The following FREM1 variants were observed in gnomAD, a reference collection of about 807,000 sequenced individuals.
FREM1 encodes the protein FRAS1-related extracellular matrix protein 1.
Under a neutral mutation model 210.1 loss-of-function variants are expected in FREM1, and 220 were observed. The ratio of observed to expected loss-of-function variants is 1.05; its 90% CI spans 0.94 to 1.17. FREM1 has a LOEUF of 1.17. Ranked by LOEUF, FREM1 falls within the 50% of genes most tolerant of loss-of-function variation. The pLI, the probability that FREM1 is intolerant of heterozygous loss-of-function variation, is 0.00. For synonymous variants in FREM1, 1,189 were observed against 980.2 expected, an observed-to-expected ratio of 1.21 and a Z score of -3.98; for missense variants, 3,454 against 2,675.5, an observed-to-expected ratio of 1.29 and a Z score of -6.42.
chr9:14,857,401 C>A, intron 5 of FREM1, 152 bp downstream of exon 5: 1 of 753,234 alleles, frequency 1.3e-6, no homozygotes, highest in Non-Finnish European at 2.4e-6. Context: ...CTAGCAGAAC[C>A]AACAAGCCTG....
intron 14 of FREM1, 25 bp downstream of exon 14, chr9:14,819,209 T>TA (rs774877593): frequency 6.5e-6 from 10 of 1,528,994 alleles, no homozygotes; most frequent in African/African-American, 1.4e-5. Flanking sequence ...AGCATGTAAA[T>TA]AAAAAAACCA....
chr9:14,854,995 A>C (rs760269253), intron 5 of FREM1, among the ~76,000 whole-genome samples: 12 of 152,080 alleles, frequency 7.9e-5, no homozygotes, highest in Non-Finnish European at 1.6e-4. Flanking sequence ...TTTTCCCCAA[A>C]TAATTTATAG....
intron 1 of FREM1, among the ~76,000 whole-genome samples, chr9:14,904,181 T>C (rs1339780018): frequency 3.3e-5 from 5 of 149,772 alleles, no homozygotes. Flanking sequence ...GACTAGTGAC[T>C]AGTTTCCTCC....
In FREM1 at chr9:14,804,997, T is replaced by C; in HGVS notation, c.3430A>G (p.Thr1144Ala). Reference protein sequence around the residue: ...EIPFSIIINPTNDEAPDFVVQ... With the variant: ...EIPFSIIINPANDEAPDFVVQ... ...ACAAAGTCAGGAGCTTCATCATTTG[T>C]GGGGTTGATTATAATAGAAAATGGT... Residue 1144 changes from threonine (T) to alanine (A), a missense_variant, in exon 19 of 37, where the codon ACA becomes GCA. Coordinates refer to ENST00000380880, the MANE Select transcript of FREM1 (RefSeq NM_001379081.2). 6.2e-7 allele frequency: 1 copy of C among 1,613,580 alleles called. No homozygotes were observed. The highest frequency in any genetic ancestry group is 8.5e-7 in the Non-Finnish European group (1 of 1,179,512).
At chr9:14,877,845 G>C (rs1377599792) in intron 1 of FREM1, among the ~76,000 whole-genome samples, 1 of 152,158 alleles carries the variant, frequency 6.6e-6, no homozygotes, top group Non-Finnish European at 1.5e-5. Flanking sequence ...CCCAGACCAA[G>C]GGAAATTGTG....
intron 24 of FREM1, among the ~76,000 whole-genome samples, chr9:14,781,309 C>A (rs1849611135): frequency 6.6e-6 from 1 of 152,148 alleles, no homozygotes; most frequent in Non-Finnish European, 1.5e-5. Context: ...GCTAGCTTTC[C>A]TATGTGTAAA....
At chr9:14,830,338 C>T (rs1823314297) in intron 10 of FREM1, among the ~76,000 whole-genome samples, 1 of 152,122 alleles carries the variant, frequency 6.6e-6, no homozygotes, top group Admixed American at 6.5e-5. Flanking sequence ...TAGCCATAAG[C>T]AGGCTGGAGG....
At chr9:14,753,574 A>G (rs1014906755) in intron 29 of FREM1, among the ~76,000 whole-genome samples, 1 of 152,200 alleles carries the variant, frequency 6.6e-6, no homozygotes, top group Non-Finnish European at 1.5e-5. Context: ...CTCCCACGTA[A>G]GAGTTCTCAA....
chr9:14,873,788 T>C (rs1304208942), intron 1 of FREM1, among the ~76,000 whole-genome samples: 3 of 152,240 alleles, frequency 2.0e-5, no homozygotes, highest in Admixed American at 6.5e-5. Context: ...CTTTCCTGCT[T>C]TCTCTTGTGG....
At chr9:14,861,361 ATATATACACG>A (rs201540046) in intron 3 of FREM1, among the ~76,000 whole-genome samples, 27,502 of 133,884 alleles carry the variant, frequency 0.21, 4,806 homozygotes, top group African/African-American at 0.32. Context: ...ATATATACAC[ATATATACACG>A]TATATACATA....
chr9:14,848,145 T>C (rs892265917), intron 7 of FREM1, among the ~76,000 whole-genome samples: 1 of 152,220 alleles, frequency 6.6e-6, no homozygotes, highest in Non-Finnish European at 1.5e-5. Flanking sequence ...TCCATTTACA[T>C]TCCACATTTA....
chr9:14,771,936 T>C (rs144854888), intron 25 of FREM1, among the ~76,000 whole-genome samples: 65 of 152,120 alleles, frequency 4.3e-4, no homozygotes, highest in African/African-American at 1.5e-3. Context: ...TAAAAATATA[T>C]ATTTATCTAT....
chr9:14,833,752 T>TG (rs1824011683), intron 10 of FREM1, among the ~76,000 whole-genome samples: 1 of 152,328 alleles, frequency 6.6e-6, no homozygotes, highest in East Asian at 1.9e-4. Flanking sequence ...AAGGCCTTTA[T>TG]GTTTTTCTTT....
chr9:14,806,643 G>A lies in FREM1; in HGVS notation c.3274+18C>T. ...TATAAGGAAGGGAGTCATTGCTGGTGACGAAGCTACAGCTTACCTATACTT... is the reference window on the plus strand; with the variant it reads ...TATAAGGAAGGGAGTCATTGCTGGTAACGAAGCTACAGCTTACCTATACTT... On this transcript the variant is annotated intron_variant, in intron 18 of 36. Transcript: ENST00000380880. 4.9e-6 allele frequency: 7 copies of A among 1,430,848 alleles called. No homozygotes were observed. Among genetic ancestry groups the A allele is most frequent in the Non-Finnish European group, 6.8e-6 (7 of 1,025,596 alleles). 88.6% of individuals were successfully genotyped at this position (1,430,848 alleles called of 1,614,324 possible). A position where few individuals can be genotyped will look rare whatever the true frequency, so the allele number is the denominator to read the frequency against.
intron 8 of FREM1, among the ~76,000 whole-genome samples, chr9:14,845,375 G>A (rs1436957353): frequency 3.3e-5 from 5 of 151,892 alleles, no homozygotes; most frequent in Admixed American, 1.3e-4. Context: ...CGTGATCTTG[G>A]CTCACTGCAA....
intron 8 of FREM1, among the ~76,000 whole-genome samples, chr9:14,843,242 C>A (rs1489449828): frequency 6.6e-6 from 1 of 152,186 alleles, no homozygotes; most frequent in Non-Finnish European, 1.5e-5. Context: ...AACCAGCCAT[C>A]CTCTAACACC....
At position 14,747,439 on chromosome 9, in the gene FREM1, C is replaced by G; in HGVS notation, c.5845-11G>C. On this transcript the variant is annotated splice_polypyrimidine_tract_variant and intron_variant, in intron 32 of 36. Coordinates refer to ENST00000380880, the MANE Select transcript of FREM1 (RefSeq NM_001379081.2). Reference sequence around the variant, plus strand: ...AACTATCCCATGATACTTGAGGAAACCAACAATCAACAACAATAAGGAAAA... The same window carrying G: ...AACTATCCCATGATACTTGAGGAAAGCAACAATCAACAACAATAAGGAAAA... 1 of 1,608,542 alleles carries G rather than the reference C, an allele frequency of 6.2e-7. No individual in the cohort carries two copies. The highest frequency in any genetic ancestry group is 8.5e-7 in the Non-Finnish European group (1 of 1,177,568).
chr9:14,773,778 A>G, intron 25 of FREM1, among the ~76,000 whole-genome samples: 1 of 152,080 alleles, frequency 6.6e-6, no homozygotes, highest in East Asian at 1.9e-4. Context: ...ACCTGATTCA[A>G]GTTCTGGTAC....
intron 1 of FREM1, among the ~76,000 whole-genome samples, chr9:14,890,732 G>A (rs1414549526): frequency 6.6e-6 from 1 of 152,148 alleles, no homozygotes; most frequent in Middle Eastern, 3.2e-3. Flanking sequence ...CCAGACGTCT[G>A]CCTGTTTCTA....
Sources: allele counts gnomAD v4.1 joint callset (sites outside exome capture counted in the v4.1 genomes callset), GRCh38; gene constraint gnomAD v4.1.1; transcripts MANE v1.5; gene names NCBI Gene and HGNC (gene_info 2026-07-23, HGNC 2026-07-21).